Variants in CAMKMT observed in about 807,000 individuals in gnomAD.
CAMKMT encodes the protein calmodulin-lysine N-methyltransferase.
Under a neutral mutation model 48.0 loss-of-function variants are expected in CAMKMT, and 53 were observed. The observed-to-expected ratio is 1.10, with a 90% confidence interval of 0.89 to 1.39. The LOEUF (loss-of-function observed/expected upper bound fraction) is 1.39, where lower values mean the gene tolerates loss of function less well. Among genes scored for constraint, CAMKMT ranks in the 40% most tolerant of loss-of-function variants. The pLI, the probability that CAMKMT is intolerant of heterozygous loss-of-function variation, is 0.00. For missense variants in CAMKMT, 428 were observed against 402.7 expected, an observed-to-expected ratio of 1.06 and a Z score of -0.54; for synonymous variants, 165 against 152.3, an observed-to-expected ratio of 1.08 and a Z score of -0.61.
intron 3 of CAMKMT, among the ~76,000 whole-genome samples, chr2:44,497,329 C>T (rs1047749570): frequency 1.3e-5 from 2 of 151,910 alleles, no homozygotes; most frequent in Non-Finnish European, 2.9e-5. Context: ...TGGAAAAGAA[C>T]ATTGTTCTTT....
At chr2:44,742,395 A>T (rs1679725481) in intron 7 of CAMKMT, among the ~76,000 whole-genome samples, 1 of 152,164 alleles carries the variant, frequency 6.6e-6, no homozygotes, top group Non-Finnish European at 1.5e-5. Flanking sequence ...CTGCTTCTGG[A>T]AAGCCCTCCC....
In CAMKMT at chr2:44,361,965, A is replaced by G; in HGVS notation, c.-43A>G. On this transcript the variant is annotated 5_prime_UTR_variant, in exon 1 of 11. Transcript: ENST00000378494. ...AGTTGGCAGGTCCTGGCAGGGGACGAGCTGCGGCGGTGGCACCTCCGGGTG... is the reference window on the plus strand; with the variant it reads ...AGTTGGCAGGTCCTGGCAGGGGACGGGCTGCGGCGGTGGCACCTCCGGGTG... The G allele has an allele frequency of 7.3e-7, 1 of 1,362,412 alleles. No individual in the cohort carries two copies. The highest frequency in any genetic ancestry group is 1.7e-5 in the South Asian group (1 of 57,148). The allele number at this position is 1,362,412 out of a possible 1,614,324, so 84.4% of individuals were successfully genotyped here.
chr2:44,752,089 C>T (rs547820475), intron 8 of CAMKMT, among the ~76,000 whole-genome samples: 30 of 152,130 alleles, frequency 2.0e-4, no homozygotes, highest in Non-Finnish European at 3.5e-4. Context: ...GAGAAACATC[C>T]GAACAGTATC....
intron 3 of CAMKMT, among the ~76,000 whole-genome samples, chr2:44,526,634 A>G (rs1671417882): frequency 6.6e-6 from 1 of 152,100 alleles, no homozygotes; most frequent in Non-Finnish European, 1.5e-5. Flanking sequence ...AGAGAGAGCA[A>G]ATTCACCCAT....
chr2:44,431,552 C>A (rs1485199498), intron 3 of CAMKMT, among the ~76,000 whole-genome samples: 1 of 152,098 alleles, frequency 6.6e-6, no homozygotes, highest in Admixed American at 6.5e-5. Flanking sequence ...AATAGACTTT[C>A]TAAATCTTGC....
intron 3 of CAMKMT, among the ~76,000 whole-genome samples, chr2:44,482,025 TA>T (rs1329989292): frequency 1.3e-5 from 2 of 152,098 alleles, no homozygotes; most frequent in Non-Finnish European, 2.9e-5. Flanking sequence ...AAATATTACC[TA>T]AAAGATGTTC....
intron 3 of CAMKMT, among the ~76,000 whole-genome samples, chr2:44,552,560 GA>G (rs1464694923): frequency 6.6e-6 from 1 of 152,172 alleles, no homozygotes; most frequent in Non-Finnish European, 1.5e-5. Flanking sequence ...TGTGAGGTCT[GA>G]GGCAACCACT....
chr2:44,421,260 G>A (rs1683920154), intron 3 of CAMKMT, among the ~76,000 whole-genome samples: 1 of 152,004 alleles, frequency 6.6e-6, no homozygotes, highest in Non-Finnish European at 1.5e-5. Flanking sequence ...AAAGACTTTT[G>A]TCTTTTGTTA....
intron 6 of CAMKMT, among the ~76,000 whole-genome samples, chr2:44,707,933 C>G (rs767068489): frequency 6.6e-6 from 1 of 152,084 alleles, no homozygotes; most frequent in Non-Finnish European, 1.5e-5. Context: ...CCTATATCCC[C>G]CACTGGAACA....
At chr2:44,424,858 A>G (rs1220990950) in intron 3 of CAMKMT, among the ~76,000 whole-genome samples, 2 of 152,176 alleles carry the variant, frequency 1.3e-5, no homozygotes, top group Non-Finnish European at 2.9e-5. Flanking sequence ...ACAAACCACC[A>G]CTAAAGAACT....
At chr2:44,756,103 G>C (rs1215383115) in intron 9 of CAMKMT, among the ~76,000 whole-genome samples, 1 of 152,242 alleles carries the variant, frequency 6.6e-6, no homozygotes, top group East Asian at 1.9e-4. Flanking sequence ...CCCATCAACA[G>C]GTCTGGGGTA....
chr2:44,764,951 G>A (rs571397672), intron 9 of CAMKMT, among the ~76,000 whole-genome samples: 61 of 152,214 alleles, frequency 4.0e-4, no homozygotes, highest in South Asian at 8.3e-4. Flanking sequence ...GGTTGGGCAC[G>A]GTGGCTCATG....
intron 2 of CAMKMT, among the ~76,000 whole-genome samples, chr2:44,384,833 G>C (rs1001255270): frequency 2.0e-5 from 3 of 152,038 alleles, no homozygotes; most frequent in Non-Finnish European, 1.5e-5. Flanking sequence ...CTGTTCCAGT[G>C]GTCTCTGTGC....
At chr2:44,456,608 G>A in intron 3 of CAMKMT, 2 of 1,549,152 alleles carry the variant, frequency 1.3e-6, no homozygotes, top group Non-Finnish European at 1.7e-6. Flanking sequence ...ACCATCAGTA[G>A]TAACTCTTCC....
intron 3 of CAMKMT, among the ~76,000 whole-genome samples, chr2:44,699,148 A>G (rs1012178463): frequency 4.6e-5 from 7 of 151,908 alleles, no homozygotes; most frequent in Non-Finnish European, 1.0e-4. Context: ...TGATATTTTG[A>G]CCTCCTCCCA....
intron 3 of CAMKMT, among the ~76,000 whole-genome samples, chr2:44,649,040 C>G (rs1673912655): frequency 1.3e-5 from 2 of 152,160 alleles, no homozygotes; most frequent in African/African-American, 2.4e-5. Flanking sequence ...TGATGCCTAG[C>G]ACATAGTAAA....
chr2:44,523,323 C>T (rs1019999268), intron 3 of CAMKMT, among the ~76,000 whole-genome samples: 1 of 144,222 alleles, frequency 6.9e-6, no homozygotes, highest in Non-Finnish European at 1.5e-5. Flanking sequence ...GACAGAGTCT[C>T]ACTCTGTCGC....
At chr2:44,696,789 AAC>A (rs1187371066) in intron 3 of CAMKMT, among the ~76,000 whole-genome samples, 2 of 152,204 alleles carry the variant, frequency 1.3e-5, no homozygotes, top group African/African-American at 4.8e-5. Flanking sequence ...ACTTGAAAAA[AAC>A]AGACTTTATA....
intron 3 of CAMKMT, among the ~76,000 whole-genome samples, chr2:44,412,959 C>A (rs1447148576): frequency 1.3e-5 from 2 of 151,616 alleles, no homozygotes; most frequent in Admixed American, 6.6e-5. Context: ...GCCTGTAAAC[C>A]CAGCTATTAG....
Sources: gnomAD v4.1 joint callset for allele counts (sites outside exome capture counted in the v4.1 genomes callset) on GRCh38, gnomAD v4.1.1 for gene constraint, MANE v1.5 for transcripts, NCBI Gene and HGNC (gene_info 2026-07-23, HGNC 2026-07-21) for gene names.